The following RTN3 variants were observed in gnomAD, a reference collection of about 807,000 sequenced individuals.
RTN3 encodes the protein reticulon 3.
Under a neutral mutation model 77.8 loss-of-function variants are expected in RTN3, and 49 were observed. The ratio of observed to expected loss-of-function variants is 0.63; its 90% confidence interval spans 0.50 to 0.80. RTN3 has a LOEUF of 0.80. Among genes scored for constraint, RTN3 ranks in the 30% least tolerant of loss-of-function variants. The pLI, the probability that RTN3 is intolerant of heterozygous loss-of-function variation, is 0.00. For synonymous variants in RTN3, 464 were observed against 446.9 expected (o/e 1.04, Z -0.48); for missense variants, 1,236 against 1,211.9 (o/e 1.02, Z -0.29).
chr11:63,745,833 C>T lies in RTN3; in HGVS notation c.2531-4158C>T, dbSNP rs868603285. 8.5e-5 allele frequency among the ~76,000 whole-genome samples: 13 copies of T among 152,312 alleles called. No individual in the cohort carries two copies. The South Asian group carries it at 2.3e-3, about 27-fold the overall frequency. ...GTTTGCACAAAGGTCTTTTTTGAGACGGAGTCTCACTCTTTCACCCAGGCT... is the reference window on the plus strand; with the variant it reads ...GTTTGCACAAAGGTCTTTTTTGAGATGGAGTCTCACTCTTTCACCCAGGCT... On this transcript the variant is annotated intron_variant, in intron 3 of 8. Transcript: ENST00000377819.
chr11:63,682,405 A>G (rs1159419386), intron 1 of RTN3, among the ~76,000 whole-genome samples: 1 of 152,058 alleles, frequency 6.6e-6, no homozygotes, highest in East Asian at 1.9e-4. Flanking sequence ...CCGAGGTAGA[A>G]GGAGGCGTGA....
intron 1 of RTN3, among the ~76,000 whole-genome samples, chr11:63,685,437 A>AGT (rs141487037): frequency 0.11 from 15,927 of 148,098 alleles, 970 homozygotes; most frequent in South Asian, 0.15. Flanking sequence ...CGGGAGTTGC[A>AGT]GTGAGCTGAG....
chr11:63,750,441 G>C, intron 4 of RTN3: 1 of 460,890 alleles, frequency 2.2e-6, no homozygotes, highest in Non-Finnish European at 3.9e-6. Context: ...GTCCTTCAAA[G>C]AAGACTCTAA....
rs200772039 is a variant in RTN3 at position 63,727,196 on chromosome 11, TAAAAC to T, written c.2530+6169_2530+6173del. ...GAATCTAACCAAATTTATTACATGT[TAAAAC>T]AAAAGTAATGATACTCTCCAGAGGA... On this transcript the variant is annotated intron_variant, in intron 3 of 8. Coordinates refer to ENST00000377819, the MANE Select transcript of RTN3 (RefSeq NM_001265589.2). Among the ~76,000 whole-genome samples, 168 of 152,258 alleles carry T rather than the reference TAAAAC, an allele frequency of 1.1e-3. 2 individuals are homozygous for T. In the East Asian group the frequency reaches 0.027, roughly 24 times the overall value.
At position 63,719,833 on chromosome 11, in the gene RTN3, A is replaced by G. The variant is rs2011626823; in HGVS notation, c.1331A>G (p.Asp444Gly). ...KGVQGNMQKQ[D>G]DTLAELPGSP... Reference sequence around the variant, plus strand: ...GTGCAAGGCAATATGCAGAAACAGGATGACACACTTGCAGAATTACCTGGA... The same window carrying G: ...GTGCAAGGCAATATGCAGAAACAGGGTGACACACTTGCAGAATTACCTGGA... The change falls in exon 3 of 9, where the codon GAT (aspartate) becomes GGT (glycine). Residue 444 changes from aspartate to glycine, a missense_variant. Coordinates refer to ENST00000377819, the MANE Select transcript of RTN3 (RefSeq NM_001265589.2). 6.2e-7 allele frequency: 1 copy of G among 1,614,052 alleles called. No homozygotes were observed. The highest frequency in any genetic ancestry group is 8.5e-7 in the Non-Finnish European group (1 of 1,180,036).
rs1565054628 is a variant in RTN3, at chr11:63,759,646, A to G, written c.*1445A>G. Reference sequence around the variant, plus strand: ...CCTCCAAAGGACCTTCTGCAGTGGAAGTGCCACATCCAGTTCTTTTCTTTT... The same window carrying G: ...CCTCCAAAGGACCTTCTGCAGTGGAGGTGCCACATCCAGTTCTTTTCTTTT... On this transcript the variant is annotated 3_prime_UTR_variant, in exon 9 of 9. Coordinates refer to ENST00000377819, the MANE Select transcript of RTN3 (RefSeq NM_001265589.2). 1 of 152,466 alleles carries G rather than the reference A, an allele frequency of 6.6e-6. No homozygotes were observed. The highest frequency in any genetic ancestry group is 1.5e-5 in the Non-Finnish European group (1 of 68,020). The allele number at this position is 152,466 out of a possible 1,614,324, so 9.4% of individuals were successfully genotyped here.
At chr11:63,738,854 A>G (rs2013298160) in intron 3 of RTN3, among the ~76,000 whole-genome samples, 1 of 152,178 alleles carries the variant, frequency 6.6e-6, no homozygotes. Context: ...GTGAGGAATC[A>G]GTAAGGTTTA....
chr11:63,728,519 G>A (rs2012436831), intron 3 of RTN3, among the ~76,000 whole-genome samples: 1 of 152,150 alleles, frequency 6.6e-6, no homozygotes, highest in Non-Finnish European at 1.5e-5. Context: ...TAGGCCTGCT[G>A]AGTTTTCACC....
chr11:63,704,394 A>G (rs1292124568), intron 1 of RTN3, among the ~76,000 whole-genome samples: 1 of 152,172 alleles, frequency 6.6e-6, no homozygotes, highest in Non-Finnish European at 1.5e-5. Flanking sequence ...TTTAGGGTCA[A>G]CTTTGCATAT....
At chr11:63,743,776 C>T (rs578047751) in intron 3 of RTN3, among the ~76,000 whole-genome samples, 284 of 151,084 alleles carry the variant, frequency 1.9e-3, no homozygotes, top group Non-Finnish European at 3.4e-3. Flanking sequence ...ATCAGCTGGG[C>T]GTGGTGGTGC....
rs1478857295 is a variant in RTN3 at position 63,718,682 on chromosome 11, C to T, written c.200-20C>T. 9 of 1,514,322 alleles carry T rather than the reference C, an allele frequency of 5.9e-6. No homozygotes were observed. Among genetic ancestry groups the T allele is most frequent in the African/African-American group, 2.8e-5 (2 of 71,366 alleles). 93.8% of individuals were successfully genotyped at this position (1,514,322 alleles called of 1,614,324 possible). A position where few individuals can be genotyped will look rare whatever the true frequency, so the allele number is the denominator to read the frequency against. On this transcript the variant is annotated intron_variant, in intron 2 of 8. Transcript: ENST00000377819. Reference sequence around the variant, plus strand: ...ATTGTACCTGGTAAACAATTTTTTTCTTTGAAATTCTGATCATAGAGGGAT... The same window carrying T: ...ATTGTACCTGGTAAACAATTTTTTTTTTTGAAATTCTGATCATAGAGGGAT...
rs541320319 is a variant in RTN3, at chr11:63,702,875, C to T, written c.143-1976C>T. Reference sequence around the variant, plus strand: ...TAATTTTTTGTATTTTTAGTAGAGACGGGGTTTCACCGTGTTAGCCAGGAT... The same window carrying T: ...TAATTTTTTGTATTTTTAGTAGAGATGGGGTTTCACCGTGTTAGCCAGGAT... On this transcript the variant is annotated intron_variant, in intron 1 of 8. Transcript: ENST00000377819. 8.6e-5 allele frequency among the ~76,000 whole-genome samples: 13 copies of T among 151,618 alleles called. No individual in the cohort carries two copies. In the East Asian group the frequency reaches 1.4e-3, roughly 16 times the overall value.
intron 2 of RTN3, chr11:63,714,400 G>A (rs140340998): frequency 6.6e-4 from 105 of 159,768 alleles, no homozygotes; most frequent in African/African-American, 2.4e-3. Context: ...ACCCTAAATA[G>A]TAAGTTATAA....
intron 4 of RTN3, among the ~76,000 whole-genome samples, chr11:63,750,717 G>A (rs1565045304): frequency 6.6e-6 from 1 of 151,188 alleles, no homozygotes; most frequent in East Asian, 2.0e-4. Context: ...CTCCCAAAGT[G>A]CTGTTTTTTT....
At chr11:63,758,067 C>A in intron 8 of RTN3, 89 bp from the exon 9 acceptor site, 1 of 925,812 alleles carries the variant, frequency 1.1e-6, no homozygotes, top group Non-Finnish European at 1.7e-6. Context: ...AAGTCCAGGA[C>A]TGTCCTCTAG....
chr11:63,746,008 G>T (rs1417979186), intron 3 of RTN3, among the ~76,000 whole-genome samples: 1 of 152,048 alleles, frequency 6.6e-6, no homozygotes, highest in Non-Finnish European at 1.5e-5. Flanking sequence ...ACAGGGTTTC[G>T]CCATGTTGGC....
intron 1 of RTN3, among the ~76,000 whole-genome samples, chr11:63,697,710 A>G (rs950755657): frequency 1.3e-5 from 2 of 151,656 alleles, no homozygotes; most frequent in Non-Finnish European, 2.9e-5. Flanking sequence ...TCCTTCCCTC[A>G]GGTGACCTGC....
At chr11:63,713,845 A>G (rs1026144340) in intron 2 of RTN3, 4 of 315,532 alleles carry the variant, frequency 1.3e-5, no homozygotes, top group Non-Finnish European at 2.5e-5. Flanking sequence ...TGAGAAAAGA[A>G]AGATAGTAGA....
intron 1 of RTN3, among the ~76,000 whole-genome samples, chr11:63,700,239 G>C (rs1438104033): frequency 2.0e-5 from 3 of 151,326 alleles, no homozygotes; most frequent in African/African-American, 4.9e-5. Flanking sequence ...TGTAGAAATG[G>C]ATCCATCTGG....
Sources: gnomAD v4.1 joint callset for allele counts (sites outside exome capture counted in the v4.1 genomes callset) on GRCh38, gnomAD v4.1.1 for gene constraint, MANE v1.5 for transcripts, NCBI Gene and HGNC (gene_info 2026-07-23, HGNC 2026-07-21) for gene names.